Variants in ADAMTSL3 observed in about 807,000 individuals in gnomAD.
The protein encoded by ADAMTSL3 is ADAMTS like 3, also known as ADAMTS-like protein 3.
Under a neutral mutation model 201.7 loss-of-function variants are expected in ADAMTSL3, and 128 were observed. The observed-to-expected ratio is 0.63, with a 90% confidence interval of 0.55 to 0.73. The LOEUF (loss-of-function observed/expected upper bound fraction) is 0.73, where lower values mean the gene tolerates loss of function less well. Ranked by LOEUF, ADAMTSL3 falls within the 30% of genes least tolerant of loss-of-function variation. ADAMTSL3 has a pLI of 0.00. For synonymous variants in ADAMTSL3, 738 were observed against 748.4 expected, an observed-to-expected ratio of 0.99 and a Z score of 0.23; for missense variants, 1,990 against 2,119.6, an observed-to-expected ratio of 0.94 and a Z score of 1.20.
At chr15:83,872,159 A>G (rs1424097828) in intron 9 of ADAMTSL3, among the ~76,000 whole-genome samples, 2 of 152,046 alleles carry the variant, frequency 1.3e-5, no homozygotes, top group African/African-American at 2.4e-5. Flanking sequence ...AGATTTTTAC[A>G]TCAAAAGATC....
intron 2 of ADAMTSL3, among the ~76,000 whole-genome samples, chr15:83,667,356 A>G (rs1222327071): frequency 1.3e-5 from 2 of 152,110 alleles, no homozygotes; most frequent in Non-Finnish European, 2.9e-5. Flanking sequence ...GTCACATTCC[A>G]GGAACAAAAA....
At chr15:83,712,380 G>C (rs1471091810) in intron 3 of ADAMTSL3, among the ~76,000 whole-genome samples, 2 of 152,190 alleles carry the variant, frequency 1.3e-5, no homozygotes, top group Non-Finnish European at 2.9e-5. Context: ...TGCCTCTCTT[G>C]CAGGCCTCAC....
intron 7 of ADAMTSL3, among the ~76,000 whole-genome samples, chr15:83,843,610 G>A (rs2064430296): frequency 6.6e-6 from 1 of 152,172 alleles, no homozygotes; most frequent in African/African-American, 2.4e-5. Context: ...CTCCCCCTGA[G>A]TGTGCATCAC....
chr15:83,897,916 G>A lies in ADAMTSL3; in HGVS notation c.1526G>A (p.Arg509His), dbSNP rs781344386. The A allele has an allele frequency of 2.2e-5, 35 of 1,613,750 alleles. No individual in the cohort carries two copies. The highest frequency in any genetic ancestry group is 1.6e-4 in the Middle Eastern group (1 of 6,084). Residue 509 changes from arginine to histidine, a missense_variant, in exon 14 of 30, where the codon CGC becomes CAC. Physicochemically the swap from Arg to His is conservative, Grantham distance 29. Transcript: ENST00000286744. The stretch of plus-strand genomic sequence containing the variant: ...CGGGTTGTTCTGTGTATTAACCACC[G>A]CGGAGAGCATGTTGGGGGCTGCAAT... ...RYRVVLCINH[R>H]GEHVGGCNPQ...
In ADAMTSL3 at chr15:83,762,260, T is replaced by C. The variant is rs149636015; in HGVS notation, c.190-11263T>C. On this transcript the variant is annotated intron_variant, in intron 3 of 29. Transcript: ENST00000286744. Reference sequence around the variant, plus strand: ...CACTAATATCTTATGTCTGAAATACTGCAAAGTTCACATGTGGAAAGGGAG... The same window carrying C: ...CACTAATATCTTATGTCTGAAATACCGCAAAGTTCACATGTGGAAAGGGAG... Among the ~76,000 whole-genome samples, 20 of 152,236 alleles carry C rather than the reference T, an allele frequency of 1.3e-4. No homozygotes were observed. In the East Asian group the frequency reaches 3.1e-3, roughly 23 times the overall value.
rs770365805 is a variant in ADAMTSL3 at position 84,036,840 on chromosome 15, C to A, written c.4822C>A (p.Pro1608Thr). The A allele has an allele frequency of 6.2e-7, 1 of 1,614,000 alleles. No homozygotes were observed. Among genetic ancestry groups the A allele is most frequent in the Admixed American group, 1.7e-5 (1 of 59,988 alleles). Residue 1608 changes from proline (P) to threonine (T), a missense_variant, in exon 29 of 30, where the codon CCC (proline) becomes ACC (threonine). Coordinates refer to ENST00000286744, the MANE Select transcript of ADAMTSL3 (RefSeq NM_207517.3). Reference sequence around the variant, plus strand: ...GTGTTGGCACACAGGCCCTTGGAAGCCCTGTACAGCAGCCTGTGGCAGGGG... The same window carrying A: ...GTGTTGGCACACAGGCCCTTGGAAGACCTGTACAGCAGCCTGTGGCAGGGG... ...DVCWHTGPWK[P>T]CTAACGRGFQ...
chr15:83,683,829 T>A (rs886916356), intron 2 of ADAMTSL3, among the ~76,000 whole-genome samples: 5 of 152,204 alleles, frequency 3.3e-5, no homozygotes, highest in African/African-American at 1.2e-4. Context: ...GCTTCTCATA[T>A]AGGAGCTGCT....
intron 4 of ADAMTSL3, among the ~76,000 whole-genome samples, chr15:83,775,853 A>C (rs980901056): frequency 2.0e-5 from 3 of 152,174 alleles, no homozygotes; most frequent in Non-Finnish European, 2.9e-5. Flanking sequence ...TGAGACTGCT[A>C]GACATGCCCC....
At chr15:83,932,149 A>G (rs112227369) in intron 17 of ADAMTSL3, among the ~76,000 whole-genome samples, 2 of 152,348 alleles carry the variant, frequency 1.3e-5, no homozygotes, top group African/African-American at 4.8e-5. Flanking sequence ...TACTGAGGGA[A>G]TATCATGATC....
At position 83,821,588 on chromosome 15, in the gene ADAMTSL3, G is replaced by GTA. The variant is rs2063866479; in HGVS notation, c.600+1541_600+1542insTA. ...GGTCACAGATCAACAGGATCCCAAGGCAGAAGAATTTTTCTTAGTACAGAA... is the reference window on the plus strand; with the variant it reads ...GGTCACAGATCAACAGGATCCCAAGGTACAGAAGAATTTTTCTTAGTACAGAA... On this transcript the variant is annotated intron_variant, in intron 6 of 29. Coordinates refer to ENST00000286744, the MANE Select transcript of ADAMTSL3 (RefSeq NM_207517.3). Among the ~76,000 whole-genome samples the GTA allele has an allele frequency of 2.0e-5, 3 of 150,964 alleles. No individual in the cohort carries two copies. The East Asian group carries it at 5.9e-4, about 29-fold the overall frequency.
chr15:83,997,628 T>G (rs1596516692), intron 23 of ADAMTSL3, among the ~76,000 whole-genome samples: 1 of 152,242 alleles, frequency 6.6e-6, no homozygotes, highest in East Asian at 1.9e-4. Flanking sequence ...GAAGCAAATA[T>G]AGCAAATATT....
intron 16 of ADAMTSL3, among the ~76,000 whole-genome samples, chr15:83,919,334 C>T (rs773655244): frequency 2.0e-5 from 3 of 151,950 alleles, no homozygotes; most frequent in Non-Finnish European, 4.4e-5. Context: ...GACACTAAGC[C>T]GCAAAAGTCT....
rs529131582 is a variant in ADAMTSL3, at chr15:83,729,502, A to G, written c.189+24994A>G. On this transcript the variant is annotated intron_variant, in intron 3 of 29. Coordinates refer to ENST00000286744, the MANE Select transcript of ADAMTSL3 (RefSeq NM_207517.3). ...AAATAGCCTGTCTTCAAGCTCACTA[A>G]TTCTTTCCTCTGCTTGATCATTTCT... Among the ~76,000 whole-genome samples the G allele has an allele frequency of 2.7e-3, 412 of 151,722 alleles. 3 individuals are homozygous for G. Among genetic ancestry groups the G allele is most frequent in the African/African-American group, 9.7e-3 (400 of 41,394 alleles).
chr15:83,956,174 C>A (rs1008480359), intron 19 of ADAMTSL3, among the ~76,000 whole-genome samples: 5 of 152,140 alleles, frequency 3.3e-5, no homozygotes, highest in Non-Finnish European at 1.5e-5. Flanking sequence ...AACATGGTTT[C>A]ACTTCCCACT....
intron 16 of ADAMTSL3, 100 bp downstream of exon 16, chr15:83,913,478 C>A: frequency 1.6e-6 from 2 of 1,221,024 alleles, no homozygotes; most frequent in Non-Finnish European, 1.1e-6. Flanking sequence ...TAGCAAAAGT[C>A]TAAAGGAGGT....
intron 3 of ADAMTSL3, among the ~76,000 whole-genome samples, chr15:83,772,461 C>A (rs773159616): frequency 5.3e-5 from 8 of 152,110 alleles, no homozygotes; most frequent in Non-Finnish European, 8.8e-5. Context: ...CTGTAGTATT[C>A]TGAATTAAGT....
chr15:84,018,011 G>A (rs539419816), intron 25 of ADAMTSL3, among the ~76,000 whole-genome samples: 1 of 152,346 alleles, frequency 6.6e-6, no homozygotes, highest in East Asian at 1.9e-4. Context: ...GAAGAGGAAA[G>A]AGGAAATTCC....
intron 25 of ADAMTSL3, among the ~76,000 whole-genome samples, chr15:84,019,225 C>G (rs2068149739): frequency 6.6e-6 from 1 of 151,924 alleles, no homozygotes; most frequent in South Asian, 2.1e-4. Flanking sequence ...AGTAGGGTAG[C>G]TAAAAACAAA....
chr15:83,708,550 A>G (rs899016492), intron 3 of ADAMTSL3, among the ~76,000 whole-genome samples: 2 of 152,230 alleles, frequency 1.3e-5, no homozygotes, highest in African/African-American at 2.4e-5. Context: ...CTGAGTAACA[A>G]TGTGGTTTAG....
Sources: gnomAD v4.1 joint callset for allele counts (sites outside exome capture counted in the v4.1 genomes callset) on GRCh38, gnomAD v4.1.1 for gene constraint, MANE v1.5 for transcripts, NCBI Gene and HGNC (gene_info 2026-07-23, HGNC 2026-07-21) for gene names.